WDR59: variants seen among roughly 807,000 people sequenced by gnomAD.
WDR59 encodes the protein GATOR2 complex protein WDR59.
Under a neutral mutation model 131.2 loss-of-function variants are expected in WDR59, and 100 were observed. The ratio of observed to expected loss-of-function variants is 0.76; its 90% CI spans 0.65 to 0.90. The LOEUF is 0.90. Ranked by LOEUF, WDR59 falls within the 40% of genes least tolerant of loss-of-function variation. WDR59 has a pLI of 0.00. For synonymous variants in WDR59, 601 were observed against 466.2 expected, an observed-to-expected ratio of 1.29 and a Z score of -3.72; for missense variants, 1,203 against 1,262.2, an observed-to-expected ratio of 0.95 and a Z score of 0.71.
chr16:74,984,007 T>G (rs1049673567), intron 1 of WDR59, among the ~76,000 whole-genome samples: 2 of 151,992 alleles, frequency 1.3e-5, no homozygotes, highest in African/African-American at 4.8e-5. Context: ...CCAGGCACGG[T>G]GGCCCACGCC....
intron 25 of WDR59, among the ~76,000 whole-genome samples, chr16:74,882,048 A>T (rs561822306): frequency 6.6e-5 from 10 of 152,264 alleles, no homozygotes; most frequent in African/African-American, 2.2e-4. Context: ...TCCTGAGTTT[A>T]TACTTCATTC....
At chr16:74,900,331 G>T (rs1201961219) in intron 18 of WDR59, among the ~76,000 whole-genome samples, 1 of 152,068 alleles carries the variant, frequency 6.6e-6, no homozygotes, top group African/African-American at 2.4e-5. Context: ...TGGAGAAACG[G>T]GGGGAAGGAA....
chr16:74,905,371 G>A (rs371383202), intron 17 of WDR59, among the ~76,000 whole-genome samples: 9 of 144,440 alleles, frequency 6.2e-5, no homozygotes, highest in African/African-American at 1.3e-4. Context: ...GCGAAACTCC[G>A]TCTCAAAAAA....
In WDR59 at chr16:74,915,435, A is replaced by G. The variant is rs565906044; in HGVS notation, c.1224+435T>C. The stretch of plus-strand genomic sequence containing the variant: ...ATTTATTTATTTATTTAATTATTTT[A>G]TTTATTTTTTTTGAGACAGAGTCTT... On this transcript the variant is annotated intron_variant, in intron 13 of 25. Coordinates refer to ENST00000262144, the MANE Select transcript of WDR59 (RefSeq NM_030581.4). 262 of 151,742 alleles carry G rather than the reference A, an allele frequency of 1.7e-3. 6 individuals carry two copies. The South Asian group carries it at 0.052, about 30-fold the overall frequency. 9.4% of individuals were successfully genotyped at this position (151,742 alleles called of 1,614,324 possible).
intron 1 of WDR59, among the ~76,000 whole-genome samples, chr16:74,980,909 G>A (rs902437586): frequency 2.6e-5 from 4 of 151,546 alleles, no homozygotes; most frequent in African/African-American, 4.8e-5. Flanking sequence ...AGGTGACAGC[G>A]AGCTGAGATT....
chr16:74,929,679 G>T (rs1438102971), intron 8 of WDR59, among the ~76,000 whole-genome samples: 16 of 152,000 alleles, frequency 1.1e-4, no homozygotes. Flanking sequence ...CCACTGCTAG[G>T]TATACACCCC....
At chr16:74,974,428 G>A (rs566566103) in intron 1 of WDR59, among the ~76,000 whole-genome samples, 10 of 151,986 alleles carry the variant, frequency 6.6e-5, no homozygotes, top group Admixed American at 3.3e-4. Flanking sequence ...AACATATACC[G>A]ACCACTACGC....
At chr16:74,903,453 T>G (rs1362363936) in intron 18 of WDR59, among the ~76,000 whole-genome samples, 1 of 151,928 alleles carries the variant, frequency 6.6e-6, no homozygotes, top group Non-Finnish European at 1.5e-5. Context: ...TTGTATCATC[T>G]GGTCCACTCA....
At chr16:74,916,956 G>C (rs1966418910) in intron 11 of WDR59, among the ~76,000 whole-genome samples, 1 of 151,950 alleles carries the variant, frequency 6.6e-6, no homozygotes, top group South Asian at 2.1e-4. Flanking sequence ...AATGAGATTT[G>C]ATCAAACTGC....
chr16:74,932,529 C>T (rs933963750), intron 8 of WDR59, among the ~76,000 whole-genome samples: 5 of 152,144 alleles, frequency 3.3e-5, no homozygotes, highest in African/African-American at 4.8e-5. Context: ...CACTCTGTCA[C>T]CCAGGTTGGA....
At chr16:74,981,646 ATATATATATATATAT>A (rs1489973606) in intron 1 of WDR59, among the ~76,000 whole-genome samples, 2 of 2,474 alleles carry the variant, frequency 8.1e-4, no homozygotes, top group African/African-American at 1.5e-3. Context: ...ATATATATAT[ATATATATATATATAT>A]TTTTTTTTTT....
At chr16:74,880,877 T>C (rs1758449310) in intron 25 of WDR59, among the ~76,000 whole-genome samples, 2 of 152,198 alleles carry the variant, frequency 1.3e-5, no homozygotes, top group African/African-American at 4.8e-5. Flanking sequence ...AACAAAAAGT[T>C]TTGTGTATTA....
At chr16:74,916,852 C>G (rs2144972295) in intron 11 of WDR59, among the ~76,000 whole-genome samples, 1 of 103,616 alleles carries the variant, frequency 9.7e-6, no homozygotes, top group East Asian at 3.4e-4. Flanking sequence ...GAGAGAGACT[C>G]CATCTCAAAA....
At chr16:74,876,008 C>T (rs1964195126) in intron 25 of WDR59, among the ~76,000 whole-genome samples, 1 of 152,150 alleles carries the variant, frequency 6.6e-6, no homozygotes, top group African/African-American at 2.4e-5. Context: ...CCGGCTCCTG[C>T]ACCTGCCAGC....
At chr16:74,945,089 A>G (rs547647394) in intron 6 of WDR59, among the ~76,000 whole-genome samples, 100 of 151,652 alleles carry the variant, frequency 6.6e-4, no homozygotes, top group African/African-American at 2.3e-3. Flanking sequence ...GTGTCACCGC[A>G]CTATAGCCTG....
intron 7 of WDR59, among the ~76,000 whole-genome samples, chr16:74,941,694 GAA>G (rs11379528): frequency 1.5e-5 from 2 of 137,546 alleles, no homozygotes; most frequent in Non-Finnish European, 1.6e-5. Flanking sequence ...TCTGTCTCAA[GAA>G]AAAAAAAAAA....
At chr16:74,940,903 A>G (rs577111881) in intron 7 of WDR59, among the ~76,000 whole-genome samples, 1 of 151,820 alleles carries the variant, frequency 6.6e-6, no homozygotes, top group South Asian at 2.1e-4. Flanking sequence ...ACGGGGTTTC[A>G]CCATGTTAGC....
At chr16:74,980,318 A>G (rs1456215948) in intron 1 of WDR59, among the ~76,000 whole-genome samples, 1 of 151,398 alleles carries the variant, frequency 6.6e-6, no homozygotes, top group Non-Finnish European at 1.5e-5. Flanking sequence ...AAAGACTTTC[A>G]CACTTCAGAC....
chr16:74,877,706 G>A (rs548901470), intron 25 of WDR59, among the ~76,000 whole-genome samples: 3 of 152,160 alleles, frequency 2.0e-5, no homozygotes, highest in South Asian at 2.1e-4. Flanking sequence ...CAACATGCCC[G>A]GCTAATTTCT....
Sources: allele counts gnomAD v4.1 joint callset (sites outside exome capture counted in the v4.1 genomes callset), GRCh38; gene constraint gnomAD v4.1.1; transcripts MANE v1.5; gene names NCBI Gene and HGNC (gene_info 2026-07-23, HGNC 2026-07-21).